Variants in PMS2 observed in about 807,000 individuals in gnomAD.
The protein encoded by PMS2 is mismatch repair endonuclease PMS2.
Under a neutral mutation model 90.0 loss-of-function variants are expected in PMS2, and 69 were observed. The ratio of observed to expected loss-of-function variants is 0.77; its 90% CI spans 0.63 to 0.94. The LOEUF is 0.94. Among genes scored for constraint, PMS2 ranks in the 40% least tolerant of loss-of-function variants. The probability of loss-of-function intolerance (pLI) is 0.00; values close to 1 mark genes in which losing one functional copy is unlikely to be tolerated. For missense variants in PMS2, 966 were observed against 1,040.2 expected (o/e 0.93, Z 0.98); for synonymous variants, 332 against 375.1 (o/e 0.89, Z 1.33).
chr7:5,983,079 A>G (rs1458446108), intron 11 of PMS2, 88 bp from the exon 12 acceptor site: 1 of 1,557,820 alleles, frequency 6.4e-7, no homozygotes, highest in South Asian at 1.2e-5. Context: ...AAAAAAGTCA[A>G]ACAATACAAA....
At chr7:5,996,265 G>C (rs571257069) in intron 7 of PMS2, among the ~76,000 whole-genome samples, 38 of 152,138 alleles carry the variant, frequency 2.5e-4, no homozygotes, top group African/African-American at 8.7e-4. Context: ...AAGAAATACA[G>C]ATCTTAGGCT....
At chr7:6,005,730 C>T (rs1041686277) in intron 2 of PMS2, among the ~76,000 whole-genome samples, 162 bp downstream of exon 2, 2 of 152,204 alleles carry the variant, frequency 1.3e-5, no homozygotes, top group Non-Finnish European at 2.9e-5. Flanking sequence ...ATTATTACTA[C>T]CTAGCTAAGT....
At chr7:5,998,083 T>TG (rs372845952) in intron 6 of PMS2, among the ~76,000 whole-genome samples, 9 of 150,992 alleles carry the variant, frequency 6.0e-5, no homozygotes, top group Non-Finnish European at 8.9e-5. Context: ...CTTTGTTTTT[T>TG]TTTTTTTTTT....
intron 11 of PMS2, among the ~76,000 whole-genome samples, chr7:5,983,662 T>C (rs1307276624): frequency 1.3e-5 from 2 of 151,726 alleles, no homozygotes; most frequent in South Asian, 2.1e-4. Context: ...TTTTTTTTTT[T>C]CTTTTAAGAC....
chr7:5,989,710 T>A (rs1783497637), intron 10 of PMS2, 90 bp downstream of exon 10: 4 of 966,556 alleles, frequency 4.1e-6, no homozygotes, highest in Admixed American at 2.2e-5. Context: ...AGACTTTGTT[T>A]TCATGTCAAA....
At chr7:6,000,435 G>C (rs1784970353) in intron 5 of PMS2, among the ~76,000 whole-genome samples, 1 of 148,376 alleles carries the variant, frequency 6.7e-6, no homozygotes, top group Non-Finnish European at 1.5e-5. Context: ...TGTATTACTT[G>C]CATGTTGTAC....
At chr7:5,997,084 C>T (rs111564346) in intron 7 of PMS2, among the ~76,000 whole-genome samples, 1 of 151,726 alleles carries the variant, frequency 6.6e-6, no homozygotes, top group African/African-American at 2.4e-5. Context: ...TGTGGTGGCA[C>T]GTGCCTGTAA....
chr7:5,986,727 A>C (rs759602384), intron 11 of PMS2, 32 bp downstream of exon 11: 2 of 1,489,422 alleles, frequency 1.3e-6, no homozygotes, highest in African/African-American at 2.8e-5. Flanking sequence ...ATTTTAGATA[A>C]AAAGAGAAAA....
rs536971900 is a variant in PMS2 at position 6,006,339 on chromosome 7, T to A, written c.24-308A>T. 8.5e-5 allele frequency among the ~76,000 whole-genome samples: 13 copies of A among 152,200 alleles called. No homozygotes were observed. The South Asian group carries it at 2.7e-3, about 32-fold the overall frequency. On this transcript the variant is annotated intron_variant, in intron 1 of 14. Coordinates refer to ENST00000265849, the MANE Select transcript of PMS2 (RefSeq NM_000535.7). ...AAATTACCAAAATCTTTGGCAACAA[T>A]GGTGTCTTCTTTCTTGAAAAGTGAA...
intron 12 of PMS2, 75 bp downstream of exon 12, chr7:5,982,749 T>C (rs2128701386): frequency 6.2e-7 from 1 of 1,609,052 alleles, no homozygotes; most frequent in Non-Finnish European, 8.5e-7. Flanking sequence ...TGGCCTCTTG[T>C]GATCCTCCTG....
chr7:6,002,851 C>T (rs1185097227), intron 4 of PMS2, among the ~76,000 whole-genome samples: 1 of 152,140 alleles, frequency 6.6e-6, no homozygotes, highest in African/African-American at 2.4e-5. Flanking sequence ...ACATGCTTTG[C>T]TTTGATAAAA....
rs1358310474 is a variant in PMS2 at position 5,999,117 on chromosome 7, C to T, written c.696G>A (p.Gly232=). 1.2e-6 allele frequency: 2 copies of T among 1,614,078 alleles called. No homozygotes were observed. The highest frequency in any genetic ancestry group is 1.7e-6 in the Non-Finnish European group (2 of 1,180,010). Residue 232 remains glycine, a synonymous_variant, in exon 6 of 15, where the codon GGG becomes GGA. Transcript: ENST00000265849. ...AACCGGCCATCACTACCTGCTTCTG[C>T]CCAAACACAGAGCCGATATTTTCCT... ...SIKENIGSVF[G]QKQLQSLIPF...
rs765109949 is a variant in PMS2 at position 5,982,809 on chromosome 7, A to C, written c.2174+15T>G. ...TTTGAGGGGGAGTCTGGGAATGAAC[A>C]CTAAACACACTCACGCTATGAGCCT... On this transcript the variant is annotated intron_variant, in intron 12 of 14. Coordinates refer to ENST00000265849, the MANE Select transcript of PMS2 (RefSeq NM_000535.7). 4 of 1,609,752 alleles carry C rather than the reference A, an allele frequency of 2.5e-6. No individual in the cohort carries two copies.
chr7:6,007,629 G>A (rs746414940), intron 1 of PMS2, among the ~76,000 whole-genome samples: 1 of 152,146 alleles, frequency 6.6e-6, no homozygotes, highest in Non-Finnish European at 1.5e-5. Context: ...AAACCTCCAT[G>A]AAAGAGAAAT....
intron 10 of PMS2, among the ~76,000 whole-genome samples, chr7:5,988,447 A>G (rs1783328099): frequency 6.6e-6 from 1 of 152,144 alleles, no homozygotes; most frequent in Non-Finnish European, 1.5e-5. Context: ...AATCCCAGCT[A>G]CTAGGGAGAA....
intron 2 of PMS2, among the ~76,000 whole-genome samples, chr7:6,005,215 T>C (rs1785596332): frequency 1.3e-5 from 2 of 151,778 alleles, no homozygotes; most frequent in South Asian, 4.2e-4. Flanking sequence ...TATTTTGTTT[T>C]ATGTTTTTGA....
chr7:6,005,927 A>G lies in PMS2; in HGVS notation c.128T>C (p.Val43Ala), dbSNP rs1162767274. ...GGCACCAGCATCCAGACTGTTTTCT[A>G]CTAACTCCTTTACCGCAGTGCTTAG... ...LSLSTAVKEL[V>A]ENSLDAGATN... The change falls in exon 2 of 15, where the codon GTA (valine) becomes GCA (alanine). Residue 43 changes from valine (V) to alanine (A), a missense_variant. Transcript: ENST00000265849. 1 of 1,610,748 alleles carries G rather than the reference A, an allele frequency of 6.2e-7. No homozygotes were observed. The highest frequency in any genetic ancestry group is 2.2e-5 in the East Asian group (1 of 44,882).
chr7:6,001,373 CT>C (rs35742778), intron 5 of PMS2, among the ~76,000 whole-genome samples: 72 of 138,686 alleles, frequency 5.2e-4, no homozygotes, highest in Admixed American at 5.1e-4. Flanking sequence ...GAGAAATATT[CT>C]TTTTTTTTTT....
intron 14 of PMS2, among the ~76,000 whole-genome samples, chr7:5,976,622 G>GC (rs1781688470): frequency 1.4e-5 from 2 of 142,658 alleles, no homozygotes; most frequent in Admixed American, 1.4e-4. Context: ...AGCACCTGCT[G>GC]CCTCGATGAC....
Sources: gnomAD v4.1 joint callset for allele counts (sites outside exome capture counted in the v4.1 genomes callset) on GRCh38, gnomAD v4.1.1 for gene constraint, MANE v1.5 for transcripts, NCBI Gene and HGNC (gene_info 2026-07-23, HGNC 2026-07-21) for gene names.